The following HABP2 variants were observed in gnomAD, a reference collection of about 807,000 sequenced individuals.
The protein encoded by HABP2 is hyaluronan binding protein 2, also known as factor VII-activating protease.
A neutral mutation model predicts 66.5 loss-of-function variants in HABP2; 65 were observed. That is an observed-to-expected ratio of 0.98 (90% confidence interval 0.80 to 1.20). The LOEUF is 1.20. HABP2 is among the 50% of genes most tolerant of loss of function. HABP2 has a pLI of 0.00. For synonymous variants in HABP2, 263 were observed against 253.9 expected, an observed-to-expected ratio of 1.04 and a Z score of -0.34; for missense variants, 786 against 691.0, an observed-to-expected ratio of 1.14 and a Z score of -1.54.
intron 1 of HABP2, among the ~76,000 whole-genome samples, chr10:113,561,882 A>C (rs1845106119): frequency 6.6e-6 from 1 of 152,222 alleles, no homozygotes; most frequent in Non-Finnish European, 1.5e-5. Flanking sequence ...GACTTGATGT[A>C]TGTGCACCCC....
intron 12 of HABP2, among the ~76,000 whole-genome samples, chr10:113,587,239 C>T (rs977016927): frequency 4.9e-4 from 74 of 152,134 alleles, no homozygotes; most frequent in African/African-American, 1.8e-3. Context: ...ATCGCTTGGA[C>T]GTGGGAAACG....
intron 1 of HABP2, among the ~76,000 whole-genome samples, chr10:113,565,438 A>T (rs1235684943): frequency 6.6e-6 from 1 of 152,134 alleles, no homozygotes; most frequent in African/African-American, 2.4e-5. Flanking sequence ...GGCAAAAGGG[A>T]AAGGGGAGCC....
At chr10:113,580,499 C>A in intron 7 of HABP2, 96 bp from the exon 8 acceptor site, 1 of 718,876 alleles carries the variant, frequency 1.4e-6, no homozygotes, top group South Asian at 1.6e-5. Flanking sequence ...CCAGGGGGAG[C>A]ACAAGAGTCT....
intron 11 of HABP2, 149 bp from the exon 12 acceptor site, chr10:113,585,644 G>C: frequency 1.5e-6 from 1 of 651,268 alleles, no homozygotes; most frequent in Admixed American, 2.3e-5. Flanking sequence ...GAAGGCTAAA[G>C]ATGAGGCTTT....
At chr10:113,574,787 T>C (rs1419241703) in intron 3 of HABP2, among the ~76,000 whole-genome samples, 1 of 152,250 alleles carries the variant, frequency 6.6e-6, no homozygotes, top group Non-Finnish European at 1.5e-5. Context: ...GAAGTCCATG[T>C]CAGCCTTGAG....
Position 113,567,833 on chromosome 10 carries a change from C to G in HABP2, c.106+308C>G, listed in dbSNP as rs549129098. On this transcript the variant is annotated intron_variant, in intron 2 of 12. Coordinates refer to ENST00000351270, the MANE Select transcript of HABP2 (RefSeq NM_004132.5). ...AGGGGAAGCAATTTACTCCTGGCCACACAGCGAATTGGAGGCTGAGATGAG... is the reference window on the plus strand; with the variant it reads ...AGGGGAAGCAATTTACTCCTGGCCAGACAGCGAATTGGAGGCTGAGATGAG... 2.1e-4 allele frequency among the ~76,000 whole-genome samples: 32 copies of G among 152,208 alleles called. 1 individual carries two copies. Among genetic ancestry groups the G allele is most frequent in the Non-Finnish European group, 1.2e-4 (8 of 68,050 alleles).
intron 11 of HABP2, among the ~76,000 whole-genome samples, 171 bp downstream of exon 11, chr10:113,584,453 A>G (rs540647148): frequency 2.0e-5 from 3 of 152,334 alleles, no homozygotes; most frequent in Non-Finnish European, 2.9e-5. Context: ...CTCCACCTGC[A>G]GGGAGCCTTC....
intron 2 of HABP2, chr10:113,569,738 T>A (rs1845269163): frequency 6.6e-6 from 1 of 152,268 alleles, no homozygotes; most frequent in South Asian, 2.1e-4. Flanking sequence ...CCATCAGCTG[T>A]CCTACTGCCT....
Position 113,574,545 on chromosome 10 carries a change from C to CT in HABP2, c.223+148dup, listed in dbSNP as rs11575745. 6,953 of 577,762 alleles carry CT rather than the reference C, an allele frequency of 0.012. 100 individuals carry two copies. Among genetic ancestry groups the CT allele is most frequent in the African/African-American group, 0.05 (2,644 of 53,268 alleles). The allele number at this position is 577,762 out of a possible 1,614,324, so 35.8% of individuals were successfully genotyped here. On this transcript the variant is annotated intron_variant, in intron 3 of 12. Coordinates refer to ENST00000351270, the MANE Select transcript of HABP2 (RefSeq NM_004132.5). The stretch of plus-strand genomic sequence containing the variant: ...CTATGGAAGAAATTATTTGGACTGG[C>CT]TTTTTTTTCTGTTAGATTCATATGC...
At position 113,558,056 on chromosome 10, in the gene HABP2, G is replaced by A. The variant is rs7080274; in HGVS notation, c.69+4866G>A. On this transcript the variant is annotated intron_variant, in intron 1 of 12. Transcript: ENST00000351270. ...GCACTGCCCAAAGACAAACAAGACC[G>A]TTTTGTGTGGTATCAAAGGTGTCAA... 6.2e-3 allele frequency among the ~76,000 whole-genome samples: 943 copies of A among 152,290 alleles called. 8 individuals are homozygous for A. Among genetic ancestry groups the A allele is most frequent in the African/African-American group, 0.022 (895 of 41,560 alleles).
At chr10:113,580,180 G>T (rs1051664792) in intron 7 of HABP2, among the ~76,000 whole-genome samples, 1 of 151,122 alleles carries the variant, frequency 6.6e-6, no homozygotes, top group South Asian at 2.1e-4. Context: ...GGGGAGGGGG[G>T]GCCTCTTGGC....
chr10:113,554,665 G>A (rs1039706135), intron 1 of HABP2, among the ~76,000 whole-genome samples: 6 of 152,144 alleles, frequency 3.9e-5, no homozygotes, highest in South Asian at 2.1e-4. Flanking sequence ...AGGCCCACGC[G>A]GGGCCCAGAG....
chr10:113,583,249 G>A lies in HABP2; in HGVS notation c.1128G>A (p.Gly376=), dbSNP rs142208180. 1.9e-6 allele frequency: 3 copies of A among 1,613,478 alleles called. No homozygotes were observed. The South Asian group carries it at 3.3e-5, about 18-fold the overall frequency. Residue 376 remains glycine (G), a synonymous_variant, in exon 10 of 13, where the codon GGG becomes GGA. Transcript: ENST00000351270. Reference sequence around the variant, plus strand: ...CCAGACATCTAAAGGTGGTGCTAGGGGACCAGGACCTGAAGAAAGAAGAAT... The same window carrying A: ...CCAGACATCTAAAGGTGGTGCTAGGAGACCAGGACCTGAAGAAAGAAGAAT... The part of the protein sequence containing the change: ...IKTRHLKVVL[G]DQDLKKEEFH...
chr10:113,585,013 A>G (rs1391491609), intron 11 of HABP2, among the ~76,000 whole-genome samples: 1 of 152,224 alleles, frequency 6.6e-6, no homozygotes, highest in Non-Finnish European at 1.5e-5. Flanking sequence ...TCCTTCGCAA[A>G]TCCTGTCCTT....
intron 1 of HABP2, among the ~76,000 whole-genome samples, chr10:113,566,458 A>G (rs1039287056): frequency 3.9e-5 from 6 of 152,278 alleles, no homozygotes; most frequent in African/African-American, 1.4e-4. Context: ...ATATTAAAGG[A>G]AATATTTATG....
intron 11 of HABP2, 134 bp downstream of exon 11, chr10:113,584,416 C>A: frequency 1.4e-6 from 1 of 738,192 alleles, no homozygotes. Context: ...AAGCATCCAC[C>A]TCATTGATCA....
chr10:113,580,889 G>T (rs1339031433), intron 8 of HABP2, among the ~76,000 whole-genome samples, 197 bp downstream of exon 8: 1 of 152,218 alleles, frequency 6.6e-6, no homozygotes, highest in Non-Finnish European at 1.5e-5. Context: ...ACCTTTGTGG[G>T]TTTAGGTCAG....
rs1845817990 is a variant in HABP2 at position 113,589,553 on chromosome 10, C to CTTCT, written c.*1187_*1190dup. 2.3e-6 allele frequency: 3 copies of CTTCT among 1,324,974 alleles called. No homozygotes were observed. Among genetic ancestry groups the CTTCT allele is most frequent in the South Asian group, 2.8e-5 (2 of 71,368 alleles). The allele number at this position is 1,324,974 out of a possible 1,614,324, so 82.1% of individuals were successfully genotyped here. ...CGCCTTGTTTGAGCTGCGTTTCACA[C>CTTCT]TTCTTTAGAGCTAGCTGACCTTTGG... On this transcript the variant is annotated 3_prime_UTR_variant, in exon 13 of 13. Transcript: ENST00000351270.
intron 2 of HABP2, chr10:113,570,242 T>C (rs1845280589): frequency 6.6e-6 from 1 of 152,258 alleles, no homozygotes; most frequent in South Asian, 2.1e-4. Context: ...GCTATAGGGT[T>C]GCTTTAAGGT....
Sources: gnomAD v4.1 joint callset for allele counts (sites outside exome capture counted in the v4.1 genomes callset) on GRCh38, gnomAD v4.1.1 for gene constraint, MANE v1.5 for transcripts, NCBI Gene and HGNC (gene_info 2026-07-23, HGNC 2026-07-21) for gene names.